The following ZNF385B variants were observed in gnomAD, a reference collection of about 807,000 sequenced individuals.
ZNF385B encodes zinc finger protein 533.
In ZNF385B, 23 loss-of-function variants were observed where a neutral mutation model predicts 39.2. The observed-to-expected ratio is 0.59, with a 90% CI of 0.42 to 0.83. The LOEUF is 0.83. Among genes scored for constraint, ZNF385B ranks in the 40% least tolerant of loss-of-function variants. ZNF385B has a pLI of 0.00. For synonymous variants in ZNF385B, 205 were observed against 222.6 expected, an observed-to-expected ratio of 0.92 and a Z score of 0.70; for missense variants, 552 against 598.9, an observed-to-expected ratio of 0.92 and a Z score of 0.82.
chr2:179,570,408 A>T (rs977038316), intron 3 of ZNF385B, among the ~76,000 whole-genome samples: 3 of 152,222 alleles, frequency 2.0e-5, no homozygotes, highest in Non-Finnish European at 4.4e-5. Context: ...ATCACAGTGT[A>T]TGTAGCCTTA....
rs555734575 is a variant in ZNF385B at position 179,657,610 on chromosome 2, T to G, written c.298+111893A>C. Among the ~76,000 whole-genome samples, 4 of 152,346 alleles carry G rather than the reference T, an allele frequency of 2.6e-5. No individual in the cohort carries two copies. The South Asian group carries it at 8.3e-4, about 32-fold the overall frequency. ...CACACAGGAAAATAATTCACTCATC[T>G]TACTGGAACATTGACGTAAATAACT... On this transcript the variant is annotated intron_variant, in intron 3 of 9. Transcript: ENST00000410066.
chr2:179,540,740 T>C (rs1212554737), intron 4 of ZNF385B, among the ~76,000 whole-genome samples: 3 of 152,182 alleles, frequency 2.0e-5, no homozygotes, highest in Non-Finnish European at 4.4e-5. Flanking sequence ...TCTGATGTTC[T>C]AGTGAAGAAG....
chr2:179,575,592 T>C (rs1244274636), intron 3 of ZNF385B, among the ~76,000 whole-genome samples: 2 of 152,114 alleles, frequency 1.3e-5, no homozygotes, highest in African/African-American at 2.4e-5. Context: ...CAAAGGCCAC[T>C]TGTCTGGGAG....
chr2:179,688,996 G>A (rs1698142160), intron 3 of ZNF385B, among the ~76,000 whole-genome samples: 1 of 152,152 alleles, frequency 6.6e-6, no homozygotes, highest in Admixed American at 6.5e-5. Context: ...ACTCTTCCTG[G>A]GCTTTTGGTG....
intron 3 of ZNF385B, among the ~76,000 whole-genome samples, chr2:179,747,410 C>A (rs1250738528): frequency 6.6e-6 from 1 of 152,038 alleles, no homozygotes; most frequent in East Asian, 1.9e-4. Flanking sequence ...ACTTTTGCCA[C>A]CTGAATTCTA....
intron 1 of ZNF385B, among the ~76,000 whole-genome samples, chr2:179,789,433 TA>T (rs1173560406): frequency 6.6e-6 from 1 of 152,166 alleles, no homozygotes; most frequent in Non-Finnish European, 1.5e-5. Context: ...GATTTTCAAA[TA>T]TATAAATGGG....
rs192562036 is a variant in ZNF385B at position 179,591,043 on chromosome 2, A to G, written c.299-46074T>C. Among the ~76,000 whole-genome samples the G allele has an allele frequency of 4.6e-5, 7 of 152,042 alleles. No individual in the cohort carries two copies. In the East Asian group the frequency reaches 1.4e-3, roughly 29 times the overall value. On this transcript the variant is annotated intron_variant, in intron 3 of 9. Coordinates refer to ENST00000410066, the MANE Select transcript of ZNF385B (RefSeq NM_152520.6). ...TTAATGGGATGTTTGGGATTTTCTA[A>G]TTATTCACTACCTGTTACAAAGATA...
intron 3 of ZNF385B, among the ~76,000 whole-genome samples, chr2:179,673,121 A>G (rs997875459): frequency 6.6e-6 from 1 of 152,092 alleles, no homozygotes; most frequent in Non-Finnish European, 1.5e-5. Context: ...CTACCCTTAC[A>G]TGGTTCAGGA....
intron 5 of ZNF385B, among the ~76,000 whole-genome samples, chr2:179,496,533 C>G (rs1226119433): frequency 6.6e-6 from 1 of 152,048 alleles, no homozygotes; most frequent in Non-Finnish European, 1.5e-5. Context: ...AAGACTACCT[C>G]AAGGCACTTA....
chr2:179,615,116 A>G (rs937055534), intron 3 of ZNF385B, among the ~76,000 whole-genome samples: 2 of 152,130 alleles, frequency 1.3e-5, no homozygotes, highest in Non-Finnish European at 2.9e-5. Flanking sequence ...TTACACTTTT[A>G]CTGCTGTCAT....
At chr2:179,737,852 TGTG>T (rs1473734964) in intron 3 of ZNF385B, among the ~76,000 whole-genome samples, 6 of 152,174 alleles carry the variant, frequency 3.9e-5, no homozygotes, top group African/African-American at 1.4e-4. Flanking sequence ...ACAGCTAAAT[TGTG>T]GTGGAGCTGC....
chr2:179,454,862 A>G (rs2050513787), intron 6 of ZNF385B, among the ~76,000 whole-genome samples: 1 of 152,234 alleles, frequency 6.6e-6, no homozygotes, highest in Non-Finnish European at 1.5e-5. Context: ...AAAAAGTCAA[A>G]AGTTTAAAAA....
At chr2:179,470,687 T>C (rs1433068169) in intron 6 of ZNF385B, among the ~76,000 whole-genome samples, 1 of 152,208 alleles carries the variant, frequency 6.6e-6, no homozygotes, top group Non-Finnish European at 1.5e-5. Flanking sequence ...AAAGGATTTG[T>C]GAGGCTAGTG....
chr2:179,597,908 T>G (rs979631286), intron 3 of ZNF385B, among the ~76,000 whole-genome samples: 4 of 152,136 alleles, frequency 2.6e-5, no homozygotes, highest in Non-Finnish European at 5.9e-5. Context: ...ACTTTCACAA[T>G]GTGAAGAAGT....
chr2:179,765,630 C>G (rs1703644021), intron 3 of ZNF385B, among the ~76,000 whole-genome samples: 1 of 152,114 alleles, frequency 6.6e-6, no homozygotes, highest in Non-Finnish European at 1.5e-5. Flanking sequence ...CCCTGTGGTT[C>G]CCAGGTTCAA....
At chr2:179,636,321 T>C (rs1691748156) in intron 3 of ZNF385B, among the ~76,000 whole-genome samples, 1 of 152,172 alleles carries the variant, frequency 6.6e-6, no homozygotes, top group Admixed American at 6.5e-5. Context: ...CTAGAAGCCA[T>C]TCCTTCGCTG....
At chr2:179,580,281 T>A (rs1686337435) in intron 3 of ZNF385B, among the ~76,000 whole-genome samples, 1 of 152,126 alleles carries the variant, frequency 6.6e-6, no homozygotes. Flanking sequence ...AACACTGCCA[T>A]TAAACCAGAG....
At chr2:179,753,585 ATTTG>A (rs1266652705) in intron 3 of ZNF385B, among the ~76,000 whole-genome samples, 4 of 152,110 alleles carry the variant, frequency 2.6e-5, no homozygotes, top group African/African-American at 7.2e-5. Context: ...GAATTCTTCC[ATTTG>A]TTTGTTTCCT....
chr2:179,742,436 C>T (rs1702139263), intron 3 of ZNF385B, among the ~76,000 whole-genome samples: 1 of 152,022 alleles, frequency 6.6e-6, no homozygotes, highest in Non-Finnish European at 1.5e-5. Context: ...AGCTAAACAA[C>T]TAACAATTTT....
Sources: gnomAD v4.1 joint callset for allele counts (sites outside exome capture counted in the v4.1 genomes callset) on GRCh38, gnomAD v4.1.1 for gene constraint, MANE v1.5 for transcripts, NCBI Gene and HGNC (gene_info 2026-07-23, HGNC 2026-07-21) for gene names.